Variants in CTNNA2 observed in about 807,000 individuals in gnomAD.
The protein encoded by CTNNA2 is catenin alpha 2, also known as catenin alpha-2.
A neutral mutation model predicts 101.0 loss-of-function variants in CTNNA2; 42 were observed. The observed-to-expected ratio is 0.42, with a 90% CI of 0.32 to 0.54. CTNNA2 has a LOEUF of 0.54. Among genes scored for constraint, CTNNA2 ranks in the 20% least tolerant of loss-of-function variants. The pLI is 0.14. For synonymous variants in CTNNA2, 450 were observed against 456.4 expected, an observed-to-expected ratio of 0.99 and a Z score of 0.18; for missense variants, 871 against 1,223.1, an observed-to-expected ratio of 0.71 and a Z score of 4.29.
chr2:79,795,903 C>A (rs571169577), intron 3 of CTNNA2, among the ~76,000 whole-genome samples: 1 of 152,250 alleles, frequency 6.6e-6, no homozygotes, highest in African/African-American at 2.4e-5. Flanking sequence ...CTGTCTTTAA[C>A]AACACAAAAG....
At chr2:79,623,750 G>T (rs979586420) in intron 1 of CTNNA2, among the ~76,000 whole-genome samples, 1 of 152,104 alleles carries the variant, frequency 6.6e-6, no homozygotes, top group Non-Finnish European at 1.5e-5. Context: ...TTTTAGGTGA[G>T]AAGTTGAATT....
chr2:79,189,798 A>G (rs1673827780), intron 1 of CTNNA2, among the ~76,000 whole-genome samples: 1 of 152,166 alleles, frequency 6.6e-6, no homozygotes, highest in Admixed American at 6.5e-5. Context: ...AGCTCCCAGT[A>G]CTTGAGGAAG....
intron 3 of CTNNA2, among the ~76,000 whole-genome samples, chr2:79,822,916 C>T (rs1319144789): frequency 6.6e-6 from 1 of 152,192 alleles, no homozygotes; most frequent in Non-Finnish European, 1.5e-5. Context: ...TACCACCATC[C>T]CCATTCAGAT....
At chr2:80,334,830 G>A (rs1671634029) in intron 7 of CTNNA2, among the ~76,000 whole-genome samples, 1 of 152,158 alleles carries the variant, frequency 6.6e-6, no homozygotes, top group African/African-American at 2.4e-5. Context: ...AGGACCGAGG[G>A]AGTTGCAGGG....
chr2:80,257,223 T>G (rs529351370), intron 7 of CTNNA2, among the ~76,000 whole-genome samples: 6 of 151,810 alleles, frequency 4.0e-5, no homozygotes, highest in Non-Finnish European at 8.8e-5. Flanking sequence ...GGTTATAATT[T>G]TAAAATATGT....
At chr2:79,778,896 G>A (rs1281534745) in intron 3 of CTNNA2, among the ~76,000 whole-genome samples, 1 of 152,168 alleles carries the variant, frequency 6.6e-6, no homozygotes, top group Non-Finnish European at 1.5e-5. Context: ...ATTTAAAAAG[G>A]TAAAAATCAT....
chr2:79,219,143 T>G (rs907101827), intron 2 of CTNNA2, among the ~76,000 whole-genome samples: 3 of 152,226 alleles, frequency 2.0e-5, no homozygotes, highest in African/African-American at 7.2e-5. Context: ...ATCCTTCACA[T>G]TCTAAGAAAA....
At chr2:80,075,646 T>A (rs1286204009) in intron 7 of CTNNA2, among the ~76,000 whole-genome samples, 2 of 100,746 alleles carry the variant, frequency 2.0e-5, no homozygotes, top group Admixed American at 1.2e-4. Context: ...GTATAAATAT[T>A]ATAAAAATAA....
intron 7 of CTNNA2, among the ~76,000 whole-genome samples, chr2:80,216,123 AGGGTGG>A (rs1356511163): frequency 1.3e-5 from 2 of 152,200 alleles, no homozygotes; most frequent in African/African-American, 4.8e-5. Flanking sequence ...GCGCAGTATT[AGGGTGG>A]GAGTATACCG....
At chr2:79,212,326 T>G (rs1239044867) in intron 2 of CTNNA2, among the ~76,000 whole-genome samples, 1 of 152,154 alleles carries the variant, frequency 6.6e-6, no homozygotes, top group African/African-American at 2.4e-5. Flanking sequence ...ACAGTCCAAG[T>G]TGGTCTGGTG....
At chr2:80,039,337 G>T (rs551900563) in intron 7 of CTNNA2, among the ~76,000 whole-genome samples, 23 of 152,306 alleles carry the variant, frequency 1.5e-4, no homozygotes, top group African/African-American at 5.5e-4. Flanking sequence ...GGCTAGGCTA[G>T]AATGATTTTA....
intron 4 of CTNNA2, among the ~76,000 whole-genome samples, chr2:79,409,130 A>G (rs1678376923): frequency 6.6e-6 from 1 of 152,038 alleles, no homozygotes. Flanking sequence ...TCCTTTGCCC[A>G]CTTTTTGTTG....
chr2:79,595,090 C>G (rs990981822), intron 1 of CTNNA2, among the ~76,000 whole-genome samples: 3 of 152,052 alleles, frequency 2.0e-5, no homozygotes, highest in Non-Finnish European at 4.4e-5. Flanking sequence ...TTAGTCCACT[C>G]GGACTCTCTT....
intron 9 of CTNNA2, among the ~76,000 whole-genome samples, chr2:80,513,517 T>G (rs1390770869): frequency 6.6e-6 from 1 of 152,226 alleles, no homozygotes; most frequent in African/African-American, 2.4e-5. Flanking sequence ...CTGTGGCCAC[T>G]ATATAGCTTT....
intron 7 of CTNNA2, among the ~76,000 whole-genome samples, chr2:80,012,265 C>A (rs1693844342): frequency 6.6e-6 from 1 of 152,170 alleles, no homozygotes; most frequent in Non-Finnish European, 1.5e-5. Flanking sequence ...TTAGAGTTTC[C>A]TATTCAAAAG....
rs888833403 is a variant in CTNNA2 at position 80,051,126 on chromosome 2, A to G, written c.1056+141329A>G. 5.9e-5 allele frequency among the ~76,000 whole-genome samples: 9 copies of G among 152,284 alleles called. No homozygotes were observed. The East Asian group carries it at 1.7e-3, about 29-fold the overall frequency. ...TCACAATTGTTCTAGAAACAAAGGG[A>G]TTTTGTAAAGAGTGCCAACTAGCAA... is the stretch of plus-strand genomic sequence containing the variant. On this transcript the variant is annotated intron_variant, in intron 7 of 18. Coordinates refer to ENST00000402739, the MANE Select transcript of CTNNA2 (RefSeq NM_001282597.3).
chr2:80,560,946 C>CT (rs1170882451), intron 12 of CTNNA2, among the ~76,000 whole-genome samples: 5 of 151,686 alleles, frequency 3.3e-5, no homozygotes, highest in Admixed American at 1.3e-4. Flanking sequence ...TACACTTTGT[C>CT]TTTTTTTTCT....
intron 1 of CTNNA2, among the ~76,000 whole-genome samples, chr2:79,577,505 A>C (rs1387351122): frequency 4.6e-5 from 7 of 152,150 alleles, no homozygotes; most frequent in Non-Finnish European, 1.0e-4. Context: ...AGGCTATTAC[A>C]AATTATTTCA....
At chr2:80,515,527 T>A (rs1267785343) in intron 9 of CTNNA2, among the ~76,000 whole-genome samples, 1 of 152,246 alleles carries the variant, frequency 6.6e-6, no homozygotes, top group African/African-American at 2.4e-5. Flanking sequence ...TTATTGCCTC[T>A]TTATTTTGCT....
Sources: gnomAD v4.1 joint callset for allele counts (sites outside exome capture counted in the v4.1 genomes callset) on GRCh38, gnomAD v4.1.1 for gene constraint, MANE v1.5 for transcripts, NCBI Gene and HGNC (gene_info 2026-07-23, HGNC 2026-07-21) for gene names.